ABCA13: variants seen among roughly 807,000 people sequenced by gnomAD.
ABCA13 encodes ATP-binding cassette sub-family A member 13.
In ABCA13, 476 loss-of-function variants were observed where a neutral mutation model predicts 478.7. The observed-to-expected ratio is 0.99, with a 90% CI of 0.92 to 1.07. The LOEUF (loss-of-function observed/expected upper bound fraction) is 1.07. ABCA13 is among the 50% of genes least tolerant of loss of function. The pLI, the probability that ABCA13 is intolerant of heterozygous loss-of-function variation, is 0.00. For missense variants in ABCA13, 6,060 were observed against 5,910.6 expected (o/e 1.03, Z -0.83); for synonymous variants, 2,252 against 2,158.9 (o/e 1.04, Z -1.20).
intron 45 of ABCA13, among the ~76,000 whole-genome samples, chr7:48,472,095 A>T (rs951044584): frequency 6.6e-6 from 1 of 152,206 alleles, no homozygotes; most frequent in Non-Finnish European, 1.5e-5. Context: ...GTGAAGGAGA[A>T]TAAATTGAAA....
At chr7:48,195,607 C>T (rs1264476432) in intron 2 of ABCA13, among the ~76,000 whole-genome samples, 1 of 152,104 alleles carries the variant, frequency 6.6e-6, no homozygotes, top group Non-Finnish European at 1.5e-5. Flanking sequence ...GCATGACCAT[C>T]CTGAATTTGA....
chr7:48,643,355 G>A lies in ABCA13; in HGVS notation c.14905G>A (p.Asp4969Asn). 6.2e-7 allele frequency: 1 copy of A among 1,613,634 alleles called. No homozygotes were observed. Among genetic ancestry groups the A allele is most frequent in the Non-Finnish European group, 8.5e-7 (1 of 1,179,704 alleles). The change falls in exon 60 of 62, where the codon GAC becomes AAC. Residue 4969 changes from aspartate (D) to asparagine (N), a missense_variant. This residue lies in a region of ABCA13 where 1,627 missense variants were observed against 1,571.0 expected (regional missense o/e 1.04). Transcript: ENST00000435803. ...KEANQHCTVS[D>N]HLKLYFPGIQ... ...AGCAAATCAACATTGCACTGTTTCT[G>A]ACCACTTGAAGCTTTATTTTCCAGG...
chr7:48,558,948 C>A lies in ABCA13; in HGVS notation c.14355-21276C>A, dbSNP rs182077305. On this transcript the variant is annotated intron_variant, in intron 55 of 61. Coordinates refer to ENST00000435803, the MANE Select transcript of ABCA13 (RefSeq NM_152701.5). Reference sequence around the variant, plus strand: ...TTTTTGGGGAAGGCTGGGCTACTGTCATAGTGGCAGCCTTTTTGCTTTCTT... The same window carrying A: ...TTTTTGGGGAAGGCTGGGCTACTGTAATAGTGGCAGCCTTTTTGCTTTCTT... Among the ~76,000 whole-genome samples, 621 of 152,312 alleles carry A rather than the reference C, an allele frequency of 4.1e-3. 2 individuals carry two copies. The highest frequency in any genetic ancestry group is 0.014 in the South Asian group (66 of 4,834).
intron 59 of ABCA13, among the ~76,000 whole-genome samples, chr7:48,637,250 T>C (rs1794713767): frequency 6.6e-6 from 1 of 151,780 alleles, no homozygotes; most frequent in African/African-American, 2.4e-5. Context: ...CCTGTTTTAA[T>C]ACTGGTGTTT....
intron 43 of ABCA13, among the ~76,000 whole-genome samples, chr7:48,455,728 C>A (rs1352152327): frequency 6.6e-6 from 1 of 152,262 alleles, no homozygotes; most frequent in African/African-American, 2.4e-5. Flanking sequence ...GTTGCACACA[C>A]CTCTCTGCGG....
intron 10 of ABCA13, among the ~76,000 whole-genome samples, chr7:48,242,540 C>T (rs929585372): frequency 3.9e-5 from 6 of 152,272 alleles, no homozygotes; most frequent in South Asian, 2.1e-4. Flanking sequence ...CAGACTCAAG[C>T]GATTCTCCTG....
intron 61 of ABCA13, 102 bp from the exon 62 acceptor site, chr7:48,645,315 G>A: frequency 1.2e-6 from 1 of 814,010 alleles, no homozygotes; most frequent in Non-Finnish European, 2.0e-6. Context: ...GTGGTTTTTA[G>A]GGCAAGTTGG....
chr7:48,472,294 C>T (rs1019124715), intron 45 of ABCA13, among the ~76,000 whole-genome samples: 5 of 152,058 alleles, frequency 3.3e-5, no homozygotes, highest in Admixed American at 6.6e-5. Flanking sequence ...ATTTGGAGAA[C>T]GTGTTTACAG....
intron 3 of ABCA13, among the ~76,000 whole-genome samples, chr7:48,211,234 G>C (rs968053292): frequency 6.6e-6 from 1 of 152,206 alleles, no homozygotes; most frequent in Non-Finnish European, 1.5e-5. Flanking sequence ...GTCTGGGCTT[G>C]TTTGTACCCA....
intron 59 of ABCA13, among the ~76,000 whole-genome samples, chr7:48,618,780 G>A (rs1792853084): frequency 1.3e-5 from 2 of 152,148 alleles, no homozygotes; most frequent in South Asian, 2.1e-4. Flanking sequence ...GGCTTAACAT[G>A]TGAGAGCCCC....
chr7:48,602,883 A>C (rs878881870), intron 58 of ABCA13, among the ~76,000 whole-genome samples: 1 of 151,546 alleles, frequency 6.6e-6, no homozygotes, highest in African/African-American at 2.4e-5. Flanking sequence ...TTTTCACTTG[A>C]TTGTGTCCTC....
At chr7:48,539,498 G>A (rs553378544) in intron 55 of ABCA13, among the ~76,000 whole-genome samples, 2 of 152,206 alleles carry the variant, frequency 1.3e-5, no homozygotes, top group South Asian at 4.2e-4. Flanking sequence ...CAGGAAAAGA[G>A]ACAGAATTTA....
At chr7:48,191,734 AATT>A (rs772969416) in intron 1 of ABCA13, among the ~76,000 whole-genome samples, 16 of 152,038 alleles carry the variant, frequency 1.1e-4, no homozygotes, top group Non-Finnish European at 1.8e-4. Context: ...TTTCTTCTTT[AATT>A]ATACCAGGGA....
chr7:48,391,808 A>G (rs1286097902), intron 37 of ABCA13, 113 bp from the exon 38 acceptor site: 1 of 981,004 alleles, frequency 1.0e-6, no homozygotes, highest in African/African-American at 1.6e-5. Context: ...CCAGGTCAGC[A>G]GAAGGTGAGT....
At chr7:48,489,203 G>T (rs375784363) in intron 47 of ABCA13, 33 bp from the exon 48 acceptor site, 22 of 1,526,352 alleles carry the variant, frequency 1.4e-5, no homozygotes, top group East Asian at 2.3e-5. Flanking sequence ...AGCTAATTTC[G>T]TGAGAGCCAT....
At chr7:48,470,415 T>C (rs372161149) in intron 44 of ABCA13, among the ~76,000 whole-genome samples, 7 of 152,332 alleles carry the variant, frequency 4.6e-5, no homozygotes, top group African/African-American at 7.2e-5. Context: ...CTAAGGCATC[T>C]GAAGGAAGAA....
intron 3 of ABCA13, among the ~76,000 whole-genome samples, chr7:48,202,256 A>G (rs12718291): frequency 0.2 from 30,901 of 152,104 alleles, 3,387 homozygotes; most frequent in Middle Eastern, 0.26. Context: ...GTAGAGCCGA[A>G]TGGTCTGTTT....
chr7:48,450,571 A>G (rs969907241), intron 42 of ABCA13, among the ~76,000 whole-genome samples: 7 of 152,342 alleles, frequency 4.6e-5, no homozygotes, highest in Middle Eastern at 3.4e-3. Context: ...ATTATTTTTT[A>G]TAGTTTAATA....
chr7:48,203,202 C>T (rs987307357), intron 3 of ABCA13, among the ~76,000 whole-genome samples: 1 of 151,944 alleles, frequency 6.6e-6, no homozygotes, highest in African/African-American at 2.4e-5. Flanking sequence ...GCCGGCTGCT[C>T]CGAGTGCGGG....
Sources: allele counts gnomAD v4.1 joint callset (sites outside exome capture counted in the v4.1 genomes callset), GRCh38; gene constraint gnomAD v4.1.1; regional missense constraint gnomAD v4.1.1; transcripts MANE v1.5; gene names NCBI Gene and HGNC (gene_info 2026-07-23, HGNC 2026-07-21).